Variants in CUBN observed in about 807,000 individuals in gnomAD.
CUBN encodes the protein 460 kDa receptor.
A neutral mutation model predicts 405.3 loss-of-function variants in CUBN; 282 were observed. That is an observed-to-expected ratio of 0.70 (90% confidence interval 0.63 to 0.77). CUBN has a LOEUF of 0.77. Ranked by LOEUF, CUBN falls within the 30% of genes least tolerant of loss-of-function variation. The pLI, the probability that CUBN is intolerant of heterozygous loss-of-function variation, is 0.00. For synonymous variants in CUBN, 1,684 were observed against 1,617.0 expected, an observed-to-expected ratio of 1.04 and a Z score of -0.99; for missense variants, 4,514 against 4,475.2, an observed-to-expected ratio of 1.01 and a Z score of -0.25.
intron 59 of CUBN, among the ~76,000 whole-genome samples, chr10:16,862,080 A>G (rs1339203460): frequency 2.0e-5 from 3 of 150,792 alleles, no homozygotes; most frequent in Non-Finnish European, 4.4e-5. Flanking sequence ...ACCTGGGAGA[A>G]GGAGGTTGCA....
intron 28 of CUBN, among the ~76,000 whole-genome samples, chr10:17,008,244 T>G (rs1392917835): frequency 2.1e-5 from 3 of 145,274 alleles, no homozygotes; most frequent in African/African-American, 7.6e-5. Flanking sequence ...GTGTGGTGTG[T>G]GTGTGTGTGT....
intron 56 of CUBN, among the ~76,000 whole-genome samples, chr10:16,878,063 G>T (rs905567877): frequency 3.9e-5 from 6 of 152,204 alleles, no homozygotes; most frequent in Non-Finnish European, 5.9e-5. Context: ...CTAGGCGGGC[G>T]GATCACCTGA....
At chr10:16,902,044 C>T (rs376045044) in intron 51 of CUBN, among the ~76,000 whole-genome samples, 4 of 91,966 alleles carry the variant, frequency 4.3e-5, no homozygotes, top group Admixed American at 1.2e-4. Context: ...TATATATATA[C>T]ACACACCATA....
chr10:16,994,885 T>A (rs555623477), intron 28 of CUBN, among the ~76,000 whole-genome samples: 2 of 152,180 alleles, frequency 1.3e-5, no homozygotes, highest in African/African-American at 4.8e-5. Context: ...AGGTCATGAG[T>A]TCGAGACCAG....
intron 56 of CUBN, among the ~76,000 whole-genome samples, chr10:16,883,030 A>C (rs948256815): frequency 6.6e-6 from 1 of 151,412 alleles, no homozygotes; most frequent in African/African-American, 2.4e-5. Context: ...AAAAGAAAAG[A>C]AAGGAAGGAA....
intron 59 of CUBN, 80 bp downstream of exon 59, chr10:16,869,556 G>GA (rs1840286990): frequency 2.0e-6 from 2 of 997,012 alleles, no homozygotes; most frequent in African/African-American, 3.8e-5. Flanking sequence ...TCAGGTGGGG[G>GA]TGGGGGGGGG....
intron 4 of CUBN, among the ~76,000 whole-genome samples, chr10:17,124,517 C>A (rs1412303710): frequency 6.6e-6 from 1 of 151,714 alleles, no homozygotes; most frequent in Admixed American, 6.6e-5. Context: ...CAGGCGCTGC[C>A]TCCTGGGTCC....
Position 17,115,646 on chromosome 10 carries a change from G to A in CUBN, c.594-49C>T, listed in dbSNP as rs774737073. 6 of 1,603,640 alleles carry A rather than the reference G, an allele frequency of 3.7e-6. No homozygotes were observed. In the South Asian group the frequency reaches 6.6e-5, roughly 18 times the overall value. On this transcript the variant is annotated intron_variant, in intron 6 of 66. Coordinates refer to ENST00000377833, the MANE Select transcript of CUBN (RefSeq NM_001081.4). Reference sequence around the variant, plus strand: ...TGTCAGGGCACGCGCTTTGGGGCCAGTGCCTGTCTCTTAATATCAATGAGA... The same window carrying A: ...TGTCAGGGCACGCGCTTTGGGGCCAATGCCTGTCTCTTAATATCAATGAGA...
intron 28 of CUBN, among the ~76,000 whole-genome samples, chr10:17,004,289 T>A (rs191602051): frequency 1.9e-3 from 292 of 152,358 alleles, no homozygotes; most frequent in Non-Finnish European, 3.3e-3. Context: ...ACGTGGTATT[T>A]CTTTCATATG....
intron 40 of CUBN, among the ~76,000 whole-genome samples, chr10:16,931,928 G>C (rs1842373599): frequency 6.6e-6 from 1 of 152,084 alleles, no homozygotes; most frequent in Admixed American, 6.5e-5. Context: ...ACTTCTAGTA[G>C]GTTCTGAACA....
chr10:16,989,653 T>G (rs1833524665), intron 29 of CUBN, among the ~76,000 whole-genome samples: 1 of 151,856 alleles, frequency 6.6e-6, no homozygotes, highest in Non-Finnish European at 1.5e-5. Context: ...TATAATAAAC[T>G]TTTGGGCTCA....
chr10:16,876,746 G>T, intron 57 of CUBN, 151 bp downstream of exon 57: 12 of 727,202 alleles, frequency 1.7e-5, no homozygotes, highest in Non-Finnish European at 2.8e-5. Flanking sequence ...ATGTGTATAT[G>T]TATTTTTTAA....
intron 17 of CUBN, among the ~76,000 whole-genome samples, chr10:17,083,560 T>C (rs1393162364): frequency 1.9e-5 from 1 of 53,006 alleles, no homozygotes; most frequent in African/African-American, 7.4e-5. Context: ...GCTGTAGTGC[T>C]ATGGTCAATG....
At chr10:17,009,210 T>A (rs753175705) in intron 28 of CUBN, among the ~76,000 whole-genome samples, 1 of 152,232 alleles carries the variant, frequency 6.6e-6, no homozygotes, top group Non-Finnish European at 1.5e-5. Context: ...AGCACAGAGT[T>A]AAAAAACAAT....
intron 31 of CUBN, among the ~76,000 whole-genome samples, chr10:16,974,166 C>G (rs759643976): frequency 6.6e-6 from 1 of 152,122 alleles, no homozygotes; most frequent in Non-Finnish European, 1.5e-5. Flanking sequence ...CCTAGGTCCT[C>G]TTATTATCCC....
At chr10:16,975,079 AG>A in intron 31 of CUBN, among the ~76,000 whole-genome samples, 1 of 152,334 alleles carries the variant, frequency 6.6e-6, no homozygotes, top group South Asian at 2.1e-4. Context: ...ACAGGGAAGC[AG>A]GGGGCCAATG....
At chr10:16,967,777 AAGAG>A (rs375708805) in intron 31 of CUBN, among the ~76,000 whole-genome samples, 39 of 143,816 alleles carry the variant, frequency 2.7e-4, no homozygotes, top group Non-Finnish European at 4.0e-4. Flanking sequence ...AGGAGGGAGA[AAGAG>A]AGAGAAGGAG....
At chr10:17,065,133 C>CT (rs942041039) in intron 22 of CUBN, among the ~76,000 whole-genome samples, 1 of 134,256 alleles carries the variant, frequency 7.4e-6, no homozygotes, top group African/African-American at 3.0e-5. Flanking sequence ...TCTCTCTCCC[C>CT]CCCCCCCCAC....
chr10:17,043,732 T>C (rs1835062148), intron 26 of CUBN, 95 bp downstream of exon 26: 2 of 1,548,310 alleles, frequency 1.3e-6, no homozygotes, highest in Middle Eastern at 1.7e-4. Flanking sequence ...ACAGCGAGTA[T>C]ACATACTTAC....
Sources: allele counts gnomAD v4.1 joint callset (sites outside exome capture counted in the v4.1 genomes callset), GRCh38; gene constraint gnomAD v4.1.1; transcripts MANE v1.5; gene names NCBI Gene and HGNC (gene_info 2026-07-23, HGNC 2026-07-21).